The following NUCB2 variants were observed in gnomAD, a reference collection of about 807,000 sequenced individuals.
NUCB2 encodes the protein nucleobindin-2.
A neutral mutation model predicts 57.9 loss-of-function variants in NUCB2; 48 were observed. That is an observed-to-expected ratio of 0.83 (90% CI 0.66 to 1.05). The LOEUF is 1.05. Among genes scored for constraint, NUCB2 ranks in the 50% least tolerant of loss-of-function variants. The pLI is 0.00. For missense variants in NUCB2, 442 were observed against 476.2 expected, an observed-to-expected ratio of 0.93 and a Z score of 0.67; for synonymous variants, 139 against 152.1, an observed-to-expected ratio of 0.91 and a Z score of 0.64.
At chr11:17,317,555 C>T in intron 11 of NUCB2, 1 of 427,678 alleles carries the variant, frequency 2.3e-6, no homozygotes, top group Non-Finnish European at 4.7e-6. Context: ...CAAGATGATA[C>T]ATTGAATTCA....
intron 1 of NUCB2, among the ~76,000 whole-genome samples, chr11:17,281,781 ATTATT>A (rs1383803064): frequency 3.3e-5 from 5 of 152,102 alleles, no homozygotes; most frequent in Admixed American, 3.3e-4. Flanking sequence ...TCCTGCATAG[ATTATT>A]TTATGTTAAA....
At chr11:17,293,592 C>T (rs1945313530) in intron 2 of NUCB2, among the ~76,000 whole-genome samples, 1 of 152,118 alleles carries the variant, frequency 6.6e-6, no homozygotes, top group African/African-American at 2.4e-5. Context: ...AACTTAAACA[C>T]AAATGTTTAC....
At chr11:17,301,989 A>C in intron 5 of NUCB2, 119 bp downstream of exon 5, 1 of 752,932 alleles carries the variant, frequency 1.3e-6, no homozygotes. Flanking sequence ...AGCCTTGACC[A>C]CCTGGGCTCA....
chr11:17,285,149 T>A (rs191505572), intron 2 of NUCB2, among the ~76,000 whole-genome samples: 1 of 152,126 alleles, frequency 6.6e-6, no homozygotes, highest in Admixed American at 6.5e-5. Context: ...TAAAAGAGGC[T>A]GGGCGCGGTG....
intron 11 of NUCB2, chr11:17,317,555 CATTGA>C (rs1949416344): frequency 2.3e-6 from 1 of 427,678 alleles, no homozygotes; most frequent in Admixed American, 2.6e-5. Context: ...CAAGATGATA[CATTGA>C]ATTCAGTTGT....
intron 1 of NUCB2, among the ~76,000 whole-genome samples, chr11:17,279,832 C>T (rs1213624075): frequency 7.2e-6 from 1 of 138,558 alleles, no homozygotes; most frequent in African/African-American, 2.7e-5. Context: ...GTTGCCCAGG[C>T]TGACTGGAGT....
At chr11:17,341,999 T>G (rs1031445784) in intron 2 of NUCB2, among the ~76,000 whole-genome samples, 1 of 152,142 alleles carries the variant, frequency 6.6e-6, no homozygotes. Context: ...TCAGAGCCTG[T>G]TATTGGTCTA....
intron 2 of NUCB2, among the ~76,000 whole-genome samples, chr11:17,289,560 T>C (rs1442367103): frequency 6.6e-6 from 1 of 152,204 alleles, no homozygotes; most frequent in Non-Finnish European, 1.5e-5. Flanking sequence ...TATGTAGTGC[T>C]CTTCAACATT....
chr11:17,328,378 C>T (rs1950958401), intron 11 of NUCB2, among the ~76,000 whole-genome samples: 1 of 152,208 alleles, frequency 6.6e-6, no homozygotes, highest in Non-Finnish European at 1.5e-5. Context: ...AAGGCCCTTT[C>T]CTTCATGGTG....
At chr11:17,302,008 TC>T in intron 5 of NUCB2, 138 bp downstream of exon 5, 1 of 640,876 alleles carries the variant, frequency 1.6e-6, no homozygotes, top group Non-Finnish European at 2.6e-6. Context: ...CAAGTGATCC[TC>T]CCATCTCAAC....
Position 17,317,764 on chromosome 11 carries a change from C to T in NUCB2, c.1002+2289C>T, listed in dbSNP as rs148645233. ...GTGTCTACCAGATTTTTTTATGTAACGTTATTATTTTACCTTTCACATTTT... is the reference window on the plus strand; with the variant it reads ...GTGTCTACCAGATTTTTTTATGTAATGTTATTATTTTACCTTTCACATTTT... On this transcript the variant is annotated intron_variant, in intron 11 of 13. Transcript: ENST00000529010. The T allele has an allele frequency of 5.4e-4, 100 of 186,758 alleles. No homozygotes were observed. The East Asian group carries it at 5.5e-3, about 10-fold the overall frequency. 11.6% of individuals were successfully genotyped at this position (186,758 alleles called of 1,614,324 possible). A position where few individuals can be genotyped will look rare whatever the true frequency, so the allele number is the denominator to read the frequency against.
chr11:17,310,165 ATTAG>A (rs913396817), intron 6 of NUCB2, among the ~76,000 whole-genome samples: 3 of 152,106 alleles, frequency 2.0e-5, no homozygotes, highest in Non-Finnish European at 4.4e-5. Flanking sequence ...CAGGTATTAG[ATTAG>A]TTAAATGGTT....
intron 2 of NUCB2, among the ~76,000 whole-genome samples, chr11:17,341,224 G>A (rs1256980157): frequency 6.6e-6 from 1 of 152,086 alleles, no homozygotes; most frequent in African/African-American, 2.4e-5. Flanking sequence ...GGCTGAGACA[G>A]TGGGGTTTTC....
At chr11:17,316,733 A>T (rs1395975344) in intron 11 of NUCB2, among the ~76,000 whole-genome samples, 1 of 152,246 alleles carries the variant, frequency 6.6e-6, no homozygotes, top group Admixed American at 6.5e-5. Flanking sequence ...AGAGGCACCA[A>T]CCAAAATGGA....
downstream of NUCB2, among the ~76,000 whole-genome samples, chr11:17,335,011 C>T (rs757296653): frequency 5.3e-5 from 8 of 152,006 alleles, no homozygotes; most frequent in Non-Finnish European, 8.8e-5. Context: ...TCCAAACATA[C>T]TTAAATAATG....
chr11:17,290,400 T>C (rs183800702), intron 2 of NUCB2, among the ~76,000 whole-genome samples: 1 of 152,270 alleles, frequency 6.6e-6, no homozygotes, highest in East Asian at 1.9e-4. Flanking sequence ...ATGTGGCTAA[T>C]TACAATTTTC....
At chr11:17,345,752 TATTTTTAA>T (rs1249354670) in intron 2 of NUCB2, among the ~76,000 whole-genome samples, 1 of 152,200 alleles carries the variant, frequency 6.6e-6, no homozygotes, top group Non-Finnish European at 1.5e-5. Context: ...CTGAAAACGT[TATTTTTAA>T]ATTTTGGAAA....
intron 1 of NUCB2, among the ~76,000 whole-genome samples, chr11:17,282,256 ATATTTTTTT>A (rs1323867369): frequency 5.5e-5 from 6 of 108,316 alleles, no homozygotes; most frequent in East Asian, 2.6e-4. Context: ...ATATATATAT[ATATTTTTTT>A]TTTTTTTTCC....
chr11:17,286,289 G>A (rs1022114110), intron 2 of NUCB2, among the ~76,000 whole-genome samples: 2 of 152,160 alleles, frequency 1.3e-5, no homozygotes, highest in Non-Finnish European at 2.9e-5. Context: ...CACCCTCCTT[G>A]TCCTCACAAA....
Sources: gnomAD v4.1 joint callset for allele counts (sites outside exome capture counted in the v4.1 genomes callset) on GRCh38, gnomAD v4.1.1 for gene constraint, MANE v1.5 for transcripts, NCBI Gene and HGNC (gene_info 2026-07-23, HGNC 2026-07-21) for gene names.